Variants in SURF6 observed in about 807,000 individuals in gnomAD.
SURF6 encodes surfeit 6.
Under a neutral mutation model 37.5 loss-of-function variants are expected in SURF6, and 28 were observed. The observed-to-expected ratio is 0.75, with a 90% CI of 0.55 to 1.02. The LOEUF (loss-of-function observed/expected upper bound fraction) is 1.02. Among genes scored for constraint, SURF6 ranks in the 50% least tolerant of loss-of-function variants. The pLI is 0.00. For missense variants in SURF6, 560 were observed against 490.5 expected, an observed-to-expected ratio of 1.14 and a Z score of -1.34; for synonymous variants, 248 against 210.9, an observed-to-expected ratio of 1.18 and a Z score of -1.52.
At chr9:133,334,654 AG>A in intron 1 of SURF6, 53 bp from the exon 2 acceptor site, 1 of 1,581,082 alleles carries the variant, frequency 6.3e-7, no homozygotes, top group Non-Finnish European at 8.6e-7. Context: ...CCCATTCAAT[AG>A]GCAGGAAAGG....
intron 3 of SURF6, 90 bp downstream of exon 3, chr9:133,333,628 G>A (rs2129923918): frequency 4.0e-6 from 5 of 1,239,196 alleles, no homozygotes; most frequent in Non-Finnish European, 4.7e-6. Flanking sequence ...GCAGAGGGGA[G>A]AACAGGGGCT....
Position 133,332,280 on chromosome 9 carries a change from C to G in SURF6, c.675G>C (p.Lys225Asn). The part of the protein sequence containing the change: ...QRRKEKRQRV[K>N]GNLTPLTGRN... ...TCCCGGTCAGCGGCGTGAGGTTCCC[C>G]TTCACCCTCTGCCTCTTCTCTTTTC... The change falls in exon 5 of 5, where the codon AAG becomes AAC. Residue 225 changes from lysine (K) to asparagine (N), a missense_variant. By Grantham distance (94) the Lys-to-Asn change is moderately conservative. Transcript: ENST00000372022. The G allele has an allele frequency of 6.2e-7, 1 of 1,601,830 alleles. No individual in the cohort carries two copies. Among genetic ancestry groups the G allele is most frequent in the Non-Finnish European group, 8.5e-7 (1 of 1,178,766 alleles).
At chr9:133,333,595 G>T in intron 3 of SURF6, 123 bp downstream of exon 3, 3 of 841,808 alleles carry the variant, frequency 3.6e-6, no homozygotes, top group Non-Finnish European at 3.9e-6. Context: ...GAGCACACCT[G>T]CTGGGGCCCT....
rs1300644985 is a variant in SURF6, at chr9:133,331,982, G to A, written c.973C>T (p.Arg325Trp). Residue 325 changes from arginine to tryptophan, a missense_variant, in exon 5 of 5, where the codon CGG becomes TGG. By Grantham distance (101) the Arg-to-Trp change is moderately radical. Coordinates refer to ENST00000372022, the MANE Select transcript of SURF6 (RefSeq NM_006753.6). ...VEKMQQRQDR[R>W]RQNLRRKKAA... is the part of the protein sequence containing the mutation. Reference sequence around the variant, plus strand: ...TTCTTCCTGCGCAGGTTCTGCCGCCGCCGGTCCTGGCGCTGCTGCATCTTC... The same window carrying A: ...TTCTTCCTGCGCAGGTTCTGCCGCCACCGGTCCTGGCGCTGCTGCATCTTC... The A allele has an allele frequency of 6.3e-7, 1 of 1,597,394 alleles. No individual in the cohort carries two copies. Among genetic ancestry groups the A allele is most frequent in the Middle Eastern group, 1.7e-4 (1 of 5,980 alleles).
intron 1 of SURF6, among the ~76,000 whole-genome samples, chr9:133,334,802 G>A (rs1187704451): frequency 6.6e-6 from 1 of 152,010 alleles, no homozygotes; most frequent in Admixed American, 6.6e-5. Flanking sequence ...ACAAAGATGA[G>A]GCTTCAAGGA....
rs1442758144 is a variant in SURF6 at position 133,332,545 on chromosome 9, C to A, written c.606+3G>T. ...CCCGCCCAAGGACCCAGCTCCCGCT[C>A]ACCTTATTGAAGATCAGCCCGGGCG... On this transcript the variant is annotated splice_donor_region_variant and intron_variant, in intron 4 of 4. Transcript: ENST00000372022. 2 of 1,606,872 alleles carry A rather than the reference C, an allele frequency of 1.2e-6. No homozygotes were observed. The highest frequency in any genetic ancestry group is 4.5e-5 in the East Asian group (2 of 44,832).
rs2129900347 is a variant in SURF6 at position 133,328,869 on chromosome 9, G to C, written c.*3000C>G. 1.3e-5 allele frequency: 2 copies of C among 152,344 alleles called. No individual in the cohort carries two copies. The highest frequency in any genetic ancestry group is 1.3e-4 in the Admixed American group (2 of 15,290). 9.4% of individuals were successfully genotyped at this position (152,344 alleles called of 1,614,324 possible). A position where few individuals can be genotyped will look rare whatever the true frequency, so the allele number is the denominator to read the frequency against. ...AGGGTCCGTGGGTCTCTCCCTCCCT[G>C]TGTGCAGCAATGAGAGAGTGTAGAA... On this transcript the variant is annotated 3_prime_UTR_variant, in exon 5 of 5. Coordinates refer to ENST00000372022, the MANE Select transcript of SURF6 (RefSeq NM_006753.6).
chr9:133,333,200 C>A (rs1191877563), intron 3 of SURF6, among the ~76,000 whole-genome samples: 8 of 152,064 alleles, frequency 5.3e-5, no homozygotes, highest in African/African-American at 9.7e-5. Context: ...CCAGCCCAAA[C>A]GAGACCTGTG....
At position 133,334,351 on chromosome 9, in the gene SURF6, C is replaced by G. The variant is rs2129926637; in HGVS notation, c.304+41G>C. 1.6e-5 allele frequency: 25 copies of G among 1,552,600 alleles called. No individual in the cohort carries two copies. In the Middle Eastern group the frequency reaches 5.2e-4, roughly 32 times the overall value. On this transcript the variant is annotated intron_variant, in intron 2 of 4. Transcript: ENST00000372022. The stretch of plus-strand genomic sequence containing the variant: ...GGACCAAGCCCAAGCCCAGCCCCAG[C>G]CCCGCCCTGCACAGAACCAACATGC...
rs1224375488 is a variant in SURF6 at position 133,331,155 on chromosome 9, T to A, written c.*714A>T. ...ACTTTGTATCTTGCATTCACTTCAC[T>A]CTCTCTCCAGCTTTTATTCTTTCTT... On this transcript the variant is annotated 3_prime_UTR_variant, in exon 5 of 5. Transcript: ENST00000372022. 6.6e-6 allele frequency: 1 copy of A among 152,196 alleles called. No homozygotes were observed. The highest frequency in any genetic ancestry group is 1.5e-5 in the Non-Finnish European group (1 of 68,038). 9.4% of individuals were successfully genotyped at this position (152,196 alleles called of 1,614,324 possible).
intron 2 of SURF6, 68 bp downstream of exon 2, chr9:133,334,324 G>C: frequency 6.9e-7 from 1 of 1,456,848 alleles, no homozygotes; most frequent in South Asian, 1.3e-5. Context: ...TAAGAGCAAA[G>C]GGGACCAAGC....
At chr9:133,335,933 G>C (rs1564335322) in intron 1 of SURF6, 106 bp downstream of exon 1, 3 of 857,114 alleles carry the variant, frequency 3.5e-6, no homozygotes, top group Non-Finnish European at 3.5e-6. Flanking sequence ...AATTTCACAA[G>C]TCACTTAGAT....
At position 133,331,471 on chromosome 9, in the gene SURF6, C is replaced by T. The variant is rs1261222742; in HGVS notation, c.*398G>A. On this transcript the variant is annotated 3_prime_UTR_variant, in exon 5 of 5. Transcript: ENST00000372022. Reference sequence around the variant, plus strand: ...GGGTGAGCTGCGGACTAACGTGGCCCGGCAGCAGAGGCCACCGTCTTCTGT... The same window carrying T: ...GGGTGAGCTGCGGACTAACGTGGCCTGGCAGCAGAGGCCACCGTCTTCTGT... 7 of 189,740 alleles carry T rather than the reference C, an allele frequency of 3.7e-5. No homozygotes were observed. In the East Asian group the frequency reaches 7.9e-4, roughly 21 times the overall value. 11.8% of individuals were successfully genotyped at this position (189,740 alleles called of 1,614,324 possible).
At position 133,329,361 on chromosome 9, in the gene SURF6, G is replaced by A. The variant is rs1162462604; in HGVS notation, c.*2508C>T. ...CCGGATGTCAGGCCCTCCACAAGAG[G>A]TGGAAGAGCAGAGTCTTCTCTAAAC... On this transcript the variant is annotated 3_prime_UTR_variant, in exon 5 of 5. Transcript: ENST00000372022. 3 of 198,602 alleles carry A rather than the reference G, an allele frequency of 1.5e-5. No homozygotes were observed. Among genetic ancestry groups the A allele is most frequent in the Non-Finnish European group, 3.1e-5 (3 of 97,204 alleles). 12.3% of individuals were successfully genotyped at this position (198,602 alleles called of 1,614,324 possible).
rs1184126473 is a variant in SURF6 at position 133,332,146 on chromosome 9, C to T, written c.809G>A (p.Trp270Ter). Residue 270 changes from tryptophan (W) to a stop codon, truncating the protein, a stop_gained, in exon 5 of 5, where the codon TGG (tryptophan) becomes TAG (stop). Transcript: ENST00000372022. LOFTEE classifies it high-confidence loss of function. The stretch of plus-strand genomic sequence containing the variant: ...CTCCGCCTTGTAGAGGAGGTTGGTC[C>T]ACTTCATCTTCGCCTCCAGCTCCTG... ...KAQELEAKMK[W>*]TNLLYKAEGV... 3 of 1,610,824 alleles carry T rather than the reference C, an allele frequency of 1.9e-6. No homozygotes were observed. The highest frequency in any genetic ancestry group is 1.3e-5 in the African/African-American group (1 of 74,940).
chr9:133,334,337 A>G (rs2129926582), intron 2 of SURF6, 55 bp downstream of exon 2: 2 of 1,518,284 alleles, frequency 1.3e-6, no homozygotes, highest in East Asian at 4.5e-5. Flanking sequence ...GACCAAGCCC[A>G]AGCCCAGCCC....
In SURF6 at chr9:133,332,140, T is replaced by G; in HGVS notation, c.815A>C (p.Asn272Thr). 6.2e-7 allele frequency: 1 copy of G among 1,610,762 alleles called. No homozygotes were observed. ...QELEAKMKWT[N>T]LLYKAEGVKI... ...CACGCCCTCCGCCTTGTAGAGGAGG[T>G]TGGTCCACTTCATCTTCGCCTCCAG... The change falls in exon 5 of 5, where the codon AAC becomes ACC. Residue 272 changes from asparagine (N) to threonine (T), a missense_variant. Coordinates refer to ENST00000372022, the MANE Select transcript of SURF6 (RefSeq NM_006753.6).
Position 133,334,470 on chromosome 9 carries a change from C to G in SURF6, c.226G>C (p.Ala76Pro), listed in dbSNP as rs2129927481. The G allele has an allele frequency of 6.2e-6, 10 of 1,614,012 alleles. No individual in the cohort carries two copies. The highest frequency in any genetic ancestry group is 3.4e-6 in the Non-Finnish European group (4 of 1,180,058). Residue 76 changes from alanine to proline, a missense_variant, in exon 2 of 5, where the codon GCA becomes CCA. Coordinates refer to ENST00000372022, the MANE Select transcript of SURF6 (RefSeq NM_006753.6). ...TCAGGCCTCCTGGCCCCAGAGGCTG[C>G]TGGAGATTTCTCCCCCAAGGACTTG... ...KAKSLGEKSP[A>P]ASGARRPEAA...
intron 1 of SURF6, 136 bp from the exon 2 acceptor site, chr9:133,334,737 G>A: frequency 1.9e-6 from 2 of 1,036,958 alleles, no homozygotes; most frequent in Non-Finnish European, 2.8e-6. Flanking sequence ...ACTGATCCTA[G>A]AGCTCAGAAC....
Sources: allele counts gnomAD v4.1 joint callset (sites outside exome capture counted in the v4.1 genomes callset), GRCh38; gene constraint gnomAD v4.1.1; transcripts MANE v1.5; gene names NCBI Gene and HGNC (gene_info 2026-07-23, HGNC 2026-07-21).